The following BCAS3 variants were observed in gnomAD, a reference collection of about 807,000 sequenced individuals.
The protein encoded by BCAS3 is BCAS3 microtubule associated cell migration factor.
In BCAS3, 53 loss-of-function variants were observed where a neutral mutation model predicts 116.1. The ratio of observed to expected loss-of-function variants is 0.46; its 90% CI spans 0.37 to 0.57. The LOEUF is 0.57. Among genes scored for constraint, BCAS3 ranks in the 20% least tolerant of loss-of-function variants. The probability of loss-of-function intolerance (pLI) is 0.00; values close to 1 mark genes in which losing one functional copy is unlikely to be tolerated. For missense variants in BCAS3, 917 were observed against 1,165.4 expected (o/e 0.79, Z 3.10); for synonymous variants, 391 against 408.2 (o/e 0.96, Z 0.51).
chr17:60,855,406 C>T (rs1166105067), intron 7 of BCAS3, among the ~76,000 whole-genome samples: 1 of 151,238 alleles, frequency 6.6e-6, no homozygotes, highest in Non-Finnish European at 1.5e-5. Context: ...TGTGAGTGAT[C>T]CCATTTGTCT....
rs573342819 is a variant in BCAS3 at position 60,966,484 on chromosome 17, T to C, written c.1221+19132T>C. On this transcript the variant is annotated intron_variant, in intron 14 of 23. Transcript: ENST00000407086. ...TTTTAGTGAGTCTGTTACAGGATTT[T>C]GTGTTACAAGTTTTTGTGTTGTGGT... Among the ~76,000 whole-genome samples, 93 of 152,318 alleles carry C rather than the reference T, an allele frequency of 6.1e-4. 1 individual carries two copies. The highest frequency in any genetic ancestry group is 2.0e-3 in the African/African-American group (84 of 41,582).
chr17:61,075,942 A>T (rs112354708), intron 20 of BCAS3, among the ~76,000 whole-genome samples: 4 of 151,828 alleles, frequency 2.6e-5, no homozygotes, highest in African/African-American at 9.7e-5. Flanking sequence ...TTTTTAATGT[A>T]GAGACAGGAT....
chr17:60,891,474 C>CA (rs898481753), intron 10 of BCAS3, among the ~76,000 whole-genome samples: 1 of 152,158 alleles, frequency 6.6e-6, no homozygotes, highest in African/African-American at 2.4e-5. Flanking sequence ...GCTTTCATCT[C>CA]AAAATATTTC....
chr17:61,073,692 C>G lies in BCAS3; in HGVS notation c.2030-1228C>G, dbSNP rs945970511. On this transcript the variant is annotated intron_variant, in intron 19 of 23. Coordinates refer to ENST00000407086, the MANE Select transcript of BCAS3 (RefSeq NM_017679.5). This position sits in a 1 kb window ranked among gnomAD's most constrained non-coding sequence, Gnocchi z 4.6. ...GAAATTATGAGGGTTTTCAGCTTCT[C>G]ATTCTTTTCTATTTCTTCCACACTT... Among the ~76,000 whole-genome samples the G allele has an allele frequency of 5.9e-5, 9 of 152,076 alleles. No individual in the cohort carries two copies. The highest frequency in any genetic ancestry group is 2.2e-4 in the African/African-American group (9 of 41,392).
intron 22 of BCAS3, among the ~76,000 whole-genome samples, chr17:61,223,428 G>A (rs978759318): frequency 5.3e-5 from 8 of 152,072 alleles, no homozygotes; most frequent in African/African-American, 1.9e-4. Flanking sequence ...CAAAGTGCTG[G>A]GCTTACAGGT....
intron 14 of BCAS3, among the ~76,000 whole-genome samples, chr17:60,976,020 C>CTTTTTTTTTTTTTTTTTGTTTTTTT (rs2062331738): frequency 1.0e-5 from 1 of 98,284 alleles, no homozygotes; most frequent in Non-Finnish European, 1.8e-5. Context: ...TAGATTTTTG[C>CTTTTTTTTTTTTTTTTTGTTTTTTT]TTTTTTTTTT....
chr17:60,968,655 G>A (rs1355514307), intron 14 of BCAS3, among the ~76,000 whole-genome samples: 3 of 152,106 alleles, frequency 2.0e-5, no homozygotes, highest in Non-Finnish European at 2.9e-5. Context: ...TGATTTGGGA[G>A]CATCCCAAAG....
Position 60,699,232 on chromosome 17 carries a change from T to C in BCAS3, c.214+9471T>C, listed in dbSNP as rs563295958. On this transcript the variant is annotated intron_variant, in intron 4 of 23. Coordinates refer to ENST00000407086, the MANE Select transcript of BCAS3 (RefSeq NM_017679.5). ...ATTTATTTACTTATTTATTTATTTA[T>C]GAGACAGAGTCTCACTCTGTCCCTT... is the stretch of plus-strand genomic sequence containing the variant. Among the ~76,000 whole-genome samples, 18 of 151,602 alleles carry C rather than the reference T, an allele frequency of 1.2e-4. No homozygotes were observed. In the East Asian group the frequency reaches 2.7e-3, roughly 23 times the overall value.
chr17:60,974,991 G>GTTTTTTTTGT (rs72383171), intron 14 of BCAS3, among the ~76,000 whole-genome samples: 7 of 141,678 alleles, frequency 4.9e-5, no homozygotes, highest in African/African-American at 2.1e-4. Context: ...TGTTTTTTTT[G>GTTTTTTTTGT]CTTTTTTGTT....
rs2074588525 is a variant in BCAS3 at position 61,105,511 on chromosome 17, G to C, written c.2425+20947G>C. ...GCGACCTTGGCTCAAAGCAAGCTCT[G>C]TCTCCTAGATTCAAGTGATTCTCCT... On this transcript the variant is annotated intron_variant, in intron 22 of 23. Transcript: ENST00000407086. The surrounding 1 kb of genome is among the most constrained non-coding windows in gnomAD (Gnocchi z 4.3). 1.3e-5 allele frequency among the ~76,000 whole-genome samples: 2 copies of C among 152,166 alleles called. No individual in the cohort carries two copies. The highest frequency in any genetic ancestry group is 2.9e-5 in the Non-Finnish European group (2 of 68,026).
rs373175392 is a variant in BCAS3 at position 60,977,892 on chromosome 17, A to G, written c.1222-12079A>G. On this transcript the variant is annotated intron_variant, in intron 14 of 23. Coordinates refer to ENST00000407086, the MANE Select transcript of BCAS3 (RefSeq NM_017679.5). The stretch of plus-strand genomic sequence containing the variant: ...TATATGTGCCACATTTTCTTAATCC[A>G]GTCTATCATTGTTGGACATTTGGGT... 5.7e-3 allele frequency among the ~76,000 whole-genome samples: 814 copies of G among 143,860 alleles called. 12 individuals carry two copies. The highest frequency in any genetic ancestry group is 0.039 in the East Asian group (200 of 5,102). The allele number at this position is 143,860 out of a possible 152,430, so 94.4% of individuals were successfully genotyped here.
At chr17:61,372,774 C>A (rs1418713975) in intron 23 of BCAS3, among the ~76,000 whole-genome samples, 3 of 151,980 alleles carry the variant, frequency 2.0e-5, no homozygotes, top group East Asian at 1.9e-4. Context: ...TCTGTTACCC[C>A]CCTCAAAATA....
intron 10 of BCAS3, among the ~76,000 whole-genome samples, chr17:60,892,852 G>T (rs1036610095): frequency 2.0e-5 from 3 of 152,054 alleles, no homozygotes; most frequent in Non-Finnish European, 4.4e-5. Context: ...AACCCGGGAG[G>T]TGGAGGTTGC....
At position 61,156,380 on chromosome 17, in the gene BCAS3, T is replaced by C. The variant is rs2077840580; in HGVS notation, c.2425+71816T>C. On this transcript the variant is annotated intron_variant, in intron 22 of 23. Coordinates refer to ENST00000407086, the MANE Select transcript of BCAS3 (RefSeq NM_017679.5). This position sits in a 1 kb window ranked among gnomAD's most constrained non-coding sequence, Gnocchi z 4.7. ...GGGAGAAAGGTGGACTTTTGTTTTATCTTGTTTCTTTTGGGGGAAACTTAG... is the reference window on the plus strand; with the variant it reads ...GGGAGAAAGGTGGACTTTTGTTTTACCTTGTTTCTTTTGGGGGAAACTTAG... Among the ~76,000 whole-genome samples, 1 of 152,180 alleles carries C rather than the reference T, an allele frequency of 6.6e-6. No homozygotes were observed. The highest frequency in any genetic ancestry group is 1.5e-5 in the Non-Finnish European group (1 of 68,038).
At chr17:60,721,769 T>TATAA (rs1555678871) in intron 5 of BCAS3, among the ~76,000 whole-genome samples, 1 of 152,126 alleles carries the variant, frequency 6.6e-6, no homozygotes, top group African/African-American at 2.4e-5. Flanking sequence ...TATATATATA[T>TATAA]AACCTTCTAA....
intron 14 of BCAS3, among the ~76,000 whole-genome samples, chr17:60,951,358 C>G (rs1346071810): frequency 6.6e-6 from 1 of 151,826 alleles, no homozygotes; most frequent in Non-Finnish European, 1.5e-5. Context: ...TGCCCTATTT[C>G]TTGCATGTTT....
At chr17:61,298,754 G>C (rs779439776) in intron 22 of BCAS3, among the ~76,000 whole-genome samples, 1 of 152,014 alleles carries the variant, frequency 6.6e-6, no homozygotes, top group South Asian at 2.1e-4. Flanking sequence ...GTGCCCTCAA[G>C]TGTGGGCTGC....
At chr17:60,770,446 G>T (rs1474527012) in intron 6 of BCAS3, among the ~76,000 whole-genome samples, 1 of 99,280 alleles carries the variant, frequency 1.0e-5, no homozygotes, top group Non-Finnish European at 1.9e-5. Context: ...TTGAGACAGA[G>T]TCTTGCCTTG....
rs1371233579 is a variant in BCAS3 at position 61,367,227 on chromosome 17, A to G, written c.2426-1100A>G. On this transcript the variant is annotated intron_variant, in intron 22 of 23. Transcript: ENST00000407086. This position sits in a 1 kb window ranked among gnomAD's most constrained non-coding sequence, Gnocchi z 6.2. ...TTTGCATTTTTTCCCCATCTTCCCGATGCTGGCAGGAACCAAGCCCAATAA... is the reference window on the plus strand; with the variant it reads ...TTTGCATTTTTTCCCCATCTTCCCGGTGCTGGCAGGAACCAAGCCCAATAA... Among the ~76,000 whole-genome samples the G allele has an allele frequency of 6.6e-6, 1 of 152,208 alleles. No homozygotes were observed. Among genetic ancestry groups the G allele is most frequent in the African/African-American group, 2.4e-5 (1 of 41,444 alleles).
Sources: gnomAD v4.1 joint callset for allele counts (sites outside exome capture counted in the v4.1 genomes callset) on GRCh38, gnomAD v4.1.1 for gene constraint, Gnocchi (gnomAD v3.1) non-coding constraint, MANE v1.5 for transcripts, NCBI Gene and HGNC (gene_info 2026-07-23, HGNC 2026-07-21) for gene names.